Variants in DNAH3 observed in about 807,000 individuals in gnomAD.
DNAH3 encodes axonemal beta dynein heavy chain 3.
DNAH3 carries 332 observed loss-of-function variants against 432.5 expected under a neutral mutation model. The ratio of observed to expected loss-of-function variants is 0.77; its 90% CI spans 0.70 to 0.84. DNAH3 has a LOEUF of 0.84. Among genes scored for constraint, DNAH3 ranks in the 40% least tolerant of loss-of-function variants. The pLI is 0.00. For missense variants in DNAH3, 4,861 were observed against 5,114.0 expected, an observed-to-expected ratio of 0.95 and a Z score of 1.51; for synonymous variants, 1,956 against 1,900.2, an observed-to-expected ratio of 1.03 and a Z score of -0.76.
intron 27 of DNAH3, among the ~76,000 whole-genome samples, chr16:21,056,300 C>T (rs188220324): frequency 1.8e-4 from 27 of 152,250 alleles, no homozygotes; most frequent in African/African-American, 6.5e-4. Flanking sequence ...TTTTCTTAGA[C>T]ACCACTTTTC....
intron 31 of DNAH3, 114 bp from the exon 32 acceptor site, chr16:21,042,317 C>A: frequency 2.0e-6 from 2 of 1,013,628 alleles, no homozygotes; most frequent in Non-Finnish European, 2.9e-6. Flanking sequence ...AAAAACCGCA[C>A]CTGCACATTC....
Position 20,948,100 on chromosome 16 carries a change from A to G in DNAH3, c.11343+383T>C, listed in dbSNP as rs981097074. 5.3e-5 allele frequency among the ~76,000 whole-genome samples: 8 copies of G among 152,010 alleles called. No individual in the cohort carries two copies. The East Asian group carries it at 5.8e-4, about 11-fold the overall frequency. ...CTGTAAGCTCTTTTCTATCCCTCAG[A>G]TTGTTTTCATCTTCCTTTTGTCATT... On this transcript the variant is annotated intron_variant, in intron 57 of 61. Coordinates refer to ENST00000261383, the Ensembl canonical transcript of DNAH3.
intron 28 of DNAH3, among the ~76,000 whole-genome samples, chr16:21,052,191 C>A (rs1198223232): frequency 6.6e-6 from 1 of 152,094 alleles, no homozygotes; most frequent in East Asian, 1.9e-4. Flanking sequence ...GGGGTTTCAA[C>A]ATGTTGGCCA....
In DNAH3 at chr16:21,006,018, A is replaced by C. The variant is rs572518288; in HGVS notation, c.6023-2811T>G. On this transcript the variant is annotated intron_variant, in intron 41 of 61. Transcript: ENST00000261383. ...AGAAACAACTGTTCATTTTAAGAGA[A>C]GTTTCTGCATCTGTATCTTTGTATA... is the stretch of plus-strand genomic sequence containing the variant. Among the ~76,000 whole-genome samples, 357 of 152,236 alleles carry C rather than the reference A, an allele frequency of 2.3e-3. 2 individuals carry two copies. The highest frequency in any genetic ancestry group is 8.1e-3 in the African/African-American group (335 of 41,546).
chr16:21,020,245 C>G (rs540726204), intron 40 of DNAH3, among the ~76,000 whole-genome samples: 7 of 148,498 alleles, frequency 4.7e-5, no homozygotes, highest in African/African-American at 1.7e-4. Flanking sequence ...TGGTCTCGAA[C>G]TCCTGAGCTC....
chr16:21,057,395 C>T (rs894095707), intron 27 of DNAH3, among the ~76,000 whole-genome samples: 5 of 152,180 alleles, frequency 3.3e-5, no homozygotes, highest in African/African-American at 1.2e-4. Context: ...TTTACAGCCT[C>T]GTGTCTAAGT....
intron 27 of DNAH3, among the ~76,000 whole-genome samples, chr16:21,057,651 T>C (rs926738399): frequency 1.3e-5 from 2 of 152,170 alleles, no homozygotes; most frequent in Non-Finnish European, 1.5e-5. Flanking sequence ...TTGAGTATAC[T>C]TGGTCACAAG....
rs923645536 is a variant in DNAH3, at chr16:20,956,009, C to T, written c.10827-952G>A. Among the ~76,000 whole-genome samples the T allele has an allele frequency of 7.9e-5, 12 of 152,088 alleles. No homozygotes were observed. In the East Asian group the frequency reaches 1.2e-3, roughly 15 times the overall value. On this transcript the variant is annotated intron_variant, in intron 54 of 61. Transcript: ENST00000261383. ...AGGGGTGCATCTCGGCTCACTGCAA[C>T]CTCCACCTCCCAGGTTCAAGTGATT...
At chr16:21,078,498 G>C (rs2091060757) in intron 20 of DNAH3, among the ~76,000 whole-genome samples, 1 of 152,090 alleles carries the variant, frequency 6.6e-6, no homozygotes, top group African/African-American at 2.4e-5. Flanking sequence ...TGCATATAGG[G>C]AATAATTAAT....
At chr16:21,153,809 G>C (rs1373612701) in intron 1 of DNAH3, among the ~76,000 whole-genome samples, 2 of 152,188 alleles carry the variant, frequency 1.3e-5, no homozygotes, top group Non-Finnish European at 2.9e-5. Context: ...GTGAGACCAA[G>C]AACCTACGAA....
chr16:20,959,226 C>T (rs1347480735), exon 54 of DNAH3: 3 of 1,613,992 alleles, frequency 1.9e-6, no homozygotes, highest in Non-Finnish European at 2.5e-6. Context: ...CCTCACAAAT[C>T]TTCTCCAGGG....
chr16:20,970,112 A>C, intron 51 of DNAH3, 122 bp from the exon 52 acceptor site: 1 of 902,496 alleles, frequency 1.1e-6, no homozygotes, highest in African/African-American at 1.6e-5. Context: ...GATACCCTTT[A>C]ACATGGTGCC....
intron 1 of DNAH3, among the ~76,000 whole-genome samples, chr16:21,146,644 T>C (rs1295707472): frequency 1.3e-5 from 2 of 152,210 alleles, no homozygotes; most frequent in African/African-American, 2.4e-5. Context: ...AAGAATACAA[T>C]ATATTGTTAA....
intron 41 of DNAH3, among the ~76,000 whole-genome samples, chr16:21,005,162 TTTC>T (rs2087218555): frequency 1.4e-5 from 2 of 142,704 alleles, no homozygotes; most frequent in Non-Finnish European, 1.5e-5. Context: ...CTTTCTTTTC[TTTC>T]TTTCTTTTTC....
At chr16:20,964,473 A>T in exon 53 of DNAH3, 1 of 1,614,226 alleles carries the variant, frequency 6.2e-7, no homozygotes, top group Non-Finnish European at 8.5e-7. Context: ...TAGGTTCGAT[A>T]GAAGCATCCA....
intron 29 of DNAH3, 97 bp from the exon 30 acceptor site, chr16:21,050,115 A>G: frequency 1.1e-6 from 1 of 871,972 alleles, no homozygotes; most frequent in Non-Finnish European, 1.8e-6. Flanking sequence ...TATTTAGGTT[A>G]GTGCAAAAGT....
chr16:21,014,530 C>T (rs569829445), intron 41 of DNAH3, among the ~76,000 whole-genome samples: 3 of 152,150 alleles, frequency 2.0e-5, no homozygotes, highest in Non-Finnish European at 4.4e-5. Context: ...ATGCTTTCCT[C>T]CTAAGACTGG....
chr16:20,985,838 A>G, intron 47 of DNAH3, 123 bp from the exon 48 acceptor site: 1 of 965,496 alleles, frequency 1.0e-6, no homozygotes, highest in Non-Finnish European at 1.6e-6. Context: ...CTTCAAGGTC[A>G]TGGGTCATCA....
intron 11 of DNAH3, among the ~76,000 whole-genome samples, chr16:21,117,954 C>G (rs2092245348): frequency 6.6e-6 from 1 of 152,040 alleles, no homozygotes; most frequent in South Asian, 2.1e-4. Flanking sequence ...GACAATGTGA[C>G]CTTAGGTAAA....
Sources: allele counts gnomAD v4.1 joint callset (sites outside exome capture counted in the v4.1 genomes callset), GRCh38; gene constraint gnomAD v4.1.1; transcripts MANE v1.5; gene names NCBI Gene and HGNC (gene_info 2026-07-23, HGNC 2026-07-21).